Variants in DIP2C observed in about 807,000 individuals in gnomAD.
The protein encoded by DIP2C is disco-interacting protein 2 homolog C.
Under a neutral mutation model 192.4 loss-of-function variants are expected in DIP2C, and 33 were observed. The observed-to-expected ratio is 0.17, with a 90% confidence interval of 0.13 to 0.23. The LOEUF is 0.23. Among genes scored for constraint, DIP2C ranks in the 10% least tolerant of loss-of-function variants. DIP2C has a pLI of 1.00. For synonymous variants in DIP2C, 979 were observed against 864.1 expected (o/e 1.13, Z -2.33); for missense variants, 1,537 against 2,110.1 (o/e 0.73, Z 5.32).
Position 362,632 on chromosome 10 carries a change from G to A in DIP2C, c.2652C>T (p.Thr884=), listed in dbSNP as rs1361893857. ...TCCCACCAAGCGGGGTTTTGGGGAGGGTGTTTGCTGGCACCAAGGCCAGGC... is the reference window on the plus strand; with the variant it reads ...TCCCACCAAGCGGGGTTTTGGGGAGAGTGTTTGCTGGCACCAAGGCCAGGC... The part of the protein sequence containing the change: ...VYCLALVPAN[T]LPKTPLGGIH... Residue 884 remains threonine (T), a synonymous_variant, in exon 22 of 37, where the codon ACC becomes ACT. Coordinates refer to ENST00000280886, the MANE Select transcript of DIP2C (RefSeq NM_014974.3). The A allele has an allele frequency of 1.2e-6, 2 of 1,614,088 alleles. No homozygotes were observed. Among genetic ancestry groups the A allele is most frequent in the Admixed American group, 1.7e-5 (1 of 60,012 alleles).
intron 1 of DIP2C, among the ~76,000 whole-genome samples, chr10:635,067 G>A (rs1033070344): frequency 6.6e-6 from 1 of 152,164 alleles, no homozygotes; most frequent in Non-Finnish European, 1.5e-5. Context: ...AACAGTCCCT[G>A]GTGGCTACAC....
chr10:533,899 T>C (rs961320604), intron 1 of DIP2C, among the ~76,000 whole-genome samples: 1 of 151,938 alleles, frequency 6.6e-6, no homozygotes, highest in African/African-American at 2.4e-5. Flanking sequence ...ACACTTCTGG[T>C]TTACAGGAAG....
Position 415,819 on chromosome 10 carries a change from C to A in DIP2C, c.809G>T (p.Arg270Leu), listed in dbSNP as rs751808720. 1 of 1,613,846 alleles carries A rather than the reference C, an allele frequency of 6.2e-7. No homozygotes were observed. Among genetic ancestry groups the A allele is most frequent in the East Asian group, 2.2e-5 (1 of 44,860 alleles). Residue 270 changes from arginine to leucine, a missense_variant, in exon 7 of 37, where the codon CGA (arginine) becomes CTA (leucine). By Grantham distance (102) the Arg-to-Leu change is moderately radical. Coordinates refer to ENST00000280886, the MANE Select transcript of DIP2C (RefSeq NM_014974.3). ...GACAAAGAATTCTCGTAAAGGTGGT[C>A]GTTTCGGTCGTTTGAGGGTATTGAC... is the stretch of plus-strand genomic sequence containing the variant. ...QLVNTLKRPKRPPLREFFVDD... is the reference protein window; with the variant it reads ...QLVNTLKRPKLPPLREFFVDD...
chr10:655,049 G>A (rs906033460), intron 1 of DIP2C, among the ~76,000 whole-genome samples: 8 of 152,120 alleles, frequency 5.3e-5, no homozygotes, highest in Admixed American at 3.3e-4. Context: ...AGGGGAACTT[G>A]CTCAGGGGGC....
chr10:439,167 A>G (rs952386866), intron 4 of DIP2C, among the ~76,000 whole-genome samples: 2 of 152,200 alleles, frequency 1.3e-5, no homozygotes, highest in Non-Finnish European at 2.9e-5. Flanking sequence ...GCTGTTGCTT[A>G]ATATTAAAAT....
chr10:352,153 T>C (rs967864624), intron 24 of DIP2C, among the ~76,000 whole-genome samples: 1 of 152,236 alleles, frequency 6.6e-6, no homozygotes, highest in African/African-American at 2.4e-5. Flanking sequence ...CTGAAGCTGA[T>C]TTCCTATCAA....
chr10:376,317 A>G (rs1961582967), intron 17 of DIP2C, among the ~76,000 whole-genome samples: 1 of 137,928 alleles, frequency 7.3e-6, no homozygotes, highest in Middle Eastern at 3.5e-3. Context: ...CGGCAGGGAG[A>G]AGGACCCAGG....
chr10:303,984 G>A (rs555491343), intron 32 of DIP2C, among the ~76,000 whole-genome samples: 7 of 152,280 alleles, frequency 4.6e-5, no homozygotes, highest in South Asian at 2.1e-4. Flanking sequence ...GCACAGAGCC[G>A]TCATCTTCTG....
rs117416305 is a variant in DIP2C, at chr10:411,244, C to T, written c.1058-2227G>A. 6.0e-3 allele frequency among the ~76,000 whole-genome samples: 912 copies of T among 152,338 alleles called. 3 individuals are homozygous for T. The highest frequency in any genetic ancestry group is 0.014 in the East Asian group (73 of 5,194). ...ATGAGCATCTCCTTGGTAGGAAAGC[C>T]AGATGAACGTATAGGTCTCTCCAGA... On this transcript the variant is annotated intron_variant, in intron 8 of 36. Transcript: ENST00000280886.
intron 1 of DIP2C, among the ~76,000 whole-genome samples, chr10:513,825 C>T (rs1205165336): frequency 1.3e-5 from 2 of 152,188 alleles, no homozygotes; most frequent in Non-Finnish European, 1.5e-5. Flanking sequence ...TCGAACCTCT[C>T]AAGAAATACA....
intron 1 of DIP2C, among the ~76,000 whole-genome samples, chr10:595,422 T>C (rs896913420): frequency 2.0e-4 from 30 of 152,056 alleles, no homozygotes; most frequent in African/African-American, 7.2e-4. Flanking sequence ...TGTGAAACCA[T>C]GAAGAAAAAG....
chr10:304,857 C>T (rs1249918243), intron 32 of DIP2C, among the ~76,000 whole-genome samples: 4 of 152,172 alleles, frequency 2.6e-5, no homozygotes, highest in African/African-American at 4.8e-5. Context: ...GTACCACATA[C>T]AGGCACCCAC....
intron 13 of DIP2C, among the ~76,000 whole-genome samples, chr10:388,643 C>T (rs1052073405): frequency 1.1e-4 from 16 of 152,226 alleles, no homozygotes; most frequent in African/African-American, 3.9e-4. Flanking sequence ...GGCAGTGCGT[C>T]CCCAGGTGTG....
chr10:349,442 T>C lies in DIP2C; in HGVS notation c.2998A>G (p.Asn1000Asp). The C allele has an allele frequency of 6.2e-7, 1 of 1,607,976 alleles. No individual in the cohort carries two copies. Among genetic ancestry groups the C allele is most frequent in the Non-Finnish European group, 8.5e-7 (1 of 1,178,240 alleles). The change falls in exon 25 of 37, where the codon AAC (asparagine) becomes GAC (aspartate). Residue 1000 changes from asparagine (N) to aspartate (D), a missense_variant. Around this residue, in one of 4 missense-constraint regions of DIP2C, gnomAD observed 677 missense variants for 989.9 expected, o/e 0.68. Coordinates refer to ENST00000280886, the MANE Select transcript of DIP2C (RefSeq NM_014974.3). ...TLLNCRGAIANSLTCVQLHKR... is the reference protein window; with the variant it reads ...TLLNCRGAIADSLTCVQLHKR... ...TGCAGCTGCACGCAGGTCAGCGAGTTCGCTATCGCACCCTGCGGGCCGATC... is the reference window on the plus strand; with the variant it reads ...TGCAGCTGCACGCAGGTCAGCGAGTCCGCTATCGCACCCTGCGGGCCGATC...
chr10:342,612 G>A (rs1958212373), intron 28 of DIP2C, among the ~76,000 whole-genome samples: 3 of 152,198 alleles, frequency 2.0e-5, no homozygotes, highest in African/African-American at 2.4e-5. Flanking sequence ...CCTGCTGGGT[G>A]GCTCAGCTGT....
At chr10:577,174 C>G (rs1850218479) in intron 1 of DIP2C, among the ~76,000 whole-genome samples, 1 of 152,140 alleles carries the variant, frequency 6.6e-6, no homozygotes. Context: ...GCAATTAATC[C>G]TTTGACAAGG....
intron 4 of DIP2C, among the ~76,000 whole-genome samples, chr10:427,964 G>A (rs1298234699): frequency 6.6e-6 from 1 of 152,048 alleles, no homozygotes; most frequent in Non-Finnish European, 1.5e-5. Context: ...CATAAACGTC[G>A]ACAGCAGCAT....
intron 1 of DIP2C, among the ~76,000 whole-genome samples, chr10:575,441 A>G (rs1226728747): frequency 2.0e-5 from 3 of 152,198 alleles, no homozygotes; most frequent in East Asian, 1.9e-4. Flanking sequence ...AAGTGTGCTG[A>G]GGCCGTCCTA....
At chr10:450,839 T>C (rs1020336238) in intron 3 of DIP2C, among the ~76,000 whole-genome samples, 1 of 152,172 alleles carries the variant, frequency 6.6e-6, no homozygotes, top group African/African-American at 2.4e-5. Context: ...ACATCTTGTT[T>C]CAACTGAGGC....
Sources: allele counts gnomAD v4.1 joint callset (sites outside exome capture counted in the v4.1 genomes callset), GRCh38; gene constraint gnomAD v4.1.1; regional missense constraint gnomAD v4.1.1; transcripts MANE v1.5; gene names NCBI Gene and HGNC (gene_info 2026-07-23, HGNC 2026-07-21).